ZDHHC21: variants seen among roughly 807,000 people sequenced by gnomAD.
ZDHHC21 encodes palmitoyltransferase ZDHHC21.
ZDHHC21 carries 15 observed loss-of-function variants against 34.6 expected under a neutral mutation model. The observed-to-expected ratio is 0.43, with a 90% confidence interval of 0.29 to 0.67. The LOEUF (loss-of-function observed/expected upper bound fraction) is 0.67, where lower values mean the gene tolerates loss of function less well. Among genes scored for constraint, ZDHHC21 ranks in the 30% least tolerant of loss-of-function variants. ZDHHC21 has a pLI of 0.14. For missense variants in ZDHHC21, 344 were observed against 327.7 expected (o/e 1.05, Z -0.38); for synonymous variants, 142 against 101.8 (o/e 1.40, Z -2.38).
rs376506958 is a variant in ZDHHC21 at position 14,637,574 on chromosome 9, T to C, written c.621+2322A>G. On this transcript the variant is annotated intron_variant, in intron 8 of 9. Coordinates refer to ENST00000380916, the MANE Select transcript of ZDHHC21 (RefSeq NM_178566.6). ...TAAGCACAGAAGAAACATACTACAA[T>C]ATAATAAACACCATCTATGGCCTTT... 4.2e-4 allele frequency among the ~76,000 whole-genome samples: 64 copies of C among 152,040 alleles called. No homozygotes were observed. The South Asian group carries it at 0.013, about 31-fold the overall frequency.
At chr9:14,662,351 T>C in intron 5 of ZDHHC21, 25 bp from the exon 6 acceptor site, 2 of 1,563,596 alleles carry the variant, frequency 1.3e-6, no homozygotes, top group Non-Finnish European at 1.7e-6. Context: ...TTAAAATCCA[T>C]TTAATGAAGG....
At chr9:14,675,920 G>C (rs1405573520) in intron 3 of ZDHHC21, among the ~76,000 whole-genome samples, 1 of 151,868 alleles carries the variant, frequency 6.6e-6, no homozygotes, top group Admixed American at 6.6e-5. Context: ...AGGAGCAAGA[G>C]TAGAAATTGT....
intron 6 of ZDHHC21, among the ~76,000 whole-genome samples, chr9:14,659,094 C>A (rs1419574566): frequency 6.6e-6 from 1 of 152,082 alleles, no homozygotes; most frequent in Non-Finnish European, 1.5e-5. Context: ...CAAAGGAAGT[C>A]CACATATGTG....
chr9:14,632,899 A>T (rs1253151415), intron 8 of ZDHHC21, among the ~76,000 whole-genome samples: 1 of 152,166 alleles, frequency 6.6e-6, no homozygotes, highest in East Asian at 1.9e-4. Context: ...ACCGTTTTTT[A>T]AAAGACAGGT....
At chr9:14,651,025 T>C (rs924664041) in intron 7 of ZDHHC21, among the ~76,000 whole-genome samples, 3 of 152,012 alleles carry the variant, frequency 2.0e-5, no homozygotes, top group African/African-American at 7.2e-5. Flanking sequence ...TAAAGTGGTA[T>C]ACCATCAAAG....
At chr9:14,657,721 T>A (rs1291804437) in intron 7 of ZDHHC21, among the ~76,000 whole-genome samples, 1 of 152,210 alleles carries the variant, frequency 6.6e-6, no homozygotes, top group Non-Finnish European at 1.5e-5. Flanking sequence ...AATACTGCAC[T>A]ATACTACAAT....
chr9:14,629,748 G>A (rs1301517006), intron 8 of ZDHHC21, among the ~76,000 whole-genome samples: 1 of 151,986 alleles, frequency 6.6e-6, no homozygotes, highest in African/African-American at 2.4e-5. Flanking sequence ...TGAAGGCTGG[G>A]GTGGCTGTCA....
At chr9:14,688,341 G>T (rs898580202) in intron 2 of ZDHHC21, among the ~76,000 whole-genome samples, 1 of 150,824 alleles carries the variant, frequency 6.6e-6, no homozygotes, top group Non-Finnish European at 1.5e-5. Context: ...AGCAGAGGAA[G>T]GGAAAGTGAA....
At position 14,616,713 on chromosome 9, in the gene ZDHHC21, T is replaced by C. The variant is rs960548583; in HGVS notation, c.*2253A>G. 8 of 151,832 alleles carry C rather than the reference T, an allele frequency of 5.3e-5. No homozygotes were observed. The highest frequency in any genetic ancestry group is 1.9e-4 in the African/African-American group (8 of 41,416). The allele number at this position is 151,832 out of a possible 1,614,324, so 9.4% of individuals were successfully genotyped here. ...ACTGAAAGTTACAGTGTTAAGTATA[T>C]ATAGATATACTGTAATATACATTCT... On this transcript the variant is annotated 3_prime_UTR_variant, in exon 10 of 10. Transcript: ENST00000380916.
chr9:14,661,414 T>C (rs769031389), intron 6 of ZDHHC21, among the ~76,000 whole-genome samples: 2 of 152,224 alleles, frequency 1.3e-5, no homozygotes, highest in African/African-American at 2.4e-5. Context: ...TATGCATGTA[T>C]GTGTATACAA....
At chr9:14,639,670 G>A (rs567904796) in intron 8 of ZDHHC21, among the ~76,000 whole-genome samples, 1 of 152,092 alleles carries the variant, frequency 6.6e-6, no homozygotes, top group East Asian at 1.9e-4. Flanking sequence ...GATGTCTATA[G>A]TCATATAAAA....
the ZDHHC21 span, among the ~76,000 whole-genome samples, chr9:14,597,585 C>G: frequency 6.6e-6 from 1 of 152,198 alleles, no homozygotes; most frequent in Non-Finnish European, 1.5e-5. Context: ...CAGTGCCACG[C>G]AGAGGCCTGA....
the ZDHHC21 span, among the ~76,000 whole-genome samples, chr9:14,604,835 G>A: frequency 1.3e-4 from 20 of 152,096 alleles, no homozygotes; most frequent in African/African-American, 4.3e-4. Flanking sequence ...TTTTAAACTC[G>A]CGTGACAGAA....
At chr9:14,641,988 T>A (rs1829458901) in intron 7 of ZDHHC21, among the ~76,000 whole-genome samples, 1 of 152,142 alleles carries the variant, frequency 6.6e-6, no homozygotes, top group South Asian at 2.1e-4. Flanking sequence ...TGTACTAAAA[T>A]TACCATCTAT....
At chr9:14,638,118 A>G (rs1419204539) in intron 8 of ZDHHC21, among the ~76,000 whole-genome samples, 1 of 152,148 alleles carries the variant, frequency 6.6e-6, no homozygotes, top group East Asian at 1.9e-4. Flanking sequence ...ACCTGACTTC[A>G]AAGTATATTA....
intron 7 of ZDHHC21, among the ~76,000 whole-genome samples, chr9:14,658,326 T>C (rs1163149905): frequency 1.3e-5 from 2 of 152,114 alleles, no homozygotes; most frequent in Admixed American, 6.5e-5. Flanking sequence ...AGTTCAAAAT[T>C]CACCAATTTG....
chr9:14,641,166 C>T (rs1413108435), intron 7 of ZDHHC21, among the ~76,000 whole-genome samples: 1 of 152,120 alleles, frequency 6.6e-6, no homozygotes, highest in Non-Finnish European at 1.5e-5. Flanking sequence ...AGAACTGATA[C>T]TTTTCTGTGT....
At chr9:14,619,374 C>G (rs1824858014) in intron 9 of ZDHHC21, among the ~76,000 whole-genome samples, 1 of 152,082 alleles carries the variant, frequency 6.6e-6, no homozygotes, top group Non-Finnish European at 1.5e-5. Flanking sequence ...AGTAGCAAAT[C>G]TCTTTTGATG....
chr9:14,657,979 G>A (rs778628484), intron 7 of ZDHHC21, among the ~76,000 whole-genome samples: 6 of 151,944 alleles, frequency 3.9e-5, no homozygotes, highest in Non-Finnish European at 8.8e-5. Context: ...TAAAACTATA[G>A]TCCTAGCATG....
Sources: gnomAD v4.1 joint callset for allele counts (sites outside exome capture counted in the v4.1 genomes callset) on GRCh38, gnomAD v4.1.1 for gene constraint, MANE v1.5 for transcripts, NCBI Gene and HGNC (gene_info 2026-07-23, HGNC 2026-07-21) for gene names.